COL19A1: variants seen among roughly 807,000 people sequenced by gnomAD.
The protein encoded by COL19A1 is collagen type XIX alpha 1 chain.
COL19A1 carries 159 observed loss-of-function variants against 190.2 expected under a neutral mutation model. That is an observed-to-expected ratio of 0.84 (90% CI 0.73 to 0.95). The LOEUF (loss-of-function observed/expected upper bound fraction) is 0.95, where lower values mean the gene tolerates loss of function less well. COL19A1 is among the 40% of genes least tolerant of loss of function. The pLI is 0.00. For synonymous variants in COL19A1, 509 were observed against 458.9 expected (o/e 1.11, Z -1.39); for missense variants, 1,418 against 1,431.9 (o/e 0.99, Z 0.16).
intron 14 of COL19A1, among the ~76,000 whole-genome samples, chr6:70,044,762 A>AT (rs990063196): frequency 1.3e-5 from 2 of 151,916 alleles, no homozygotes; most frequent in African/African-American, 4.8e-5. Flanking sequence ...AACTCTGTTC[A>AT]TTTTTTTCCC....
At chr6:69,944,609 A>G (rs1393474769) in intron 9 of COL19A1, among the ~76,000 whole-genome samples, 11 of 152,140 alleles carry the variant, frequency 7.2e-5, no homozygotes, top group Admixed American at 7.2e-4. Flanking sequence ...AGTATTGTCT[A>G]GGTAATGAAG....
rs200280743 is a variant in COL19A1, at chr6:70,151,423, C to A, written c.2064C>A (p.Ile688=). 10 of 1,612,622 alleles carry A rather than the reference C, an allele frequency of 6.2e-6. No individual in the cohort carries two copies. The highest frequency in any genetic ancestry group is 3.3e-5 in the South Asian group (3 of 91,022). ...TTGCACTTCCTCTCTTGGGAGACATCGGTGCTTTGCTCAAGGTACTCTATT... is the reference window on the plus strand; with the variant it reads ...TTGCACTTCCTCTCTTGGGAGACATAGGTGCTTTGCTCAAGGTACTCTATT... The part of the protein sequence containing the change: ...DPIALPLLGD[I]GALLKNFCGN... Residue 688 remains isoleucine, a synonymous_variant, in exon 31 of 51, where the codon ATC becomes ATA. Transcript: ENST00000620364.
chr6:70,071,493 T>C (rs1174014137), intron 15 of COL19A1, among the ~76,000 whole-genome samples: 1 of 152,206 alleles, frequency 6.6e-6, no homozygotes, highest in African/African-American at 2.4e-5. Context: ...TGACAATATG[T>C]ATCTGAAATT....
chr6:70,149,391 G>A (rs1285449210), intron 27 of COL19A1, among the ~76,000 whole-genome samples: 1 of 152,144 alleles, frequency 6.6e-6, no homozygotes, highest in East Asian at 1.9e-4. Flanking sequence ...CCTGTGGGTG[G>A]TCAGTTTCTG....
Position 70,190,296 on chromosome 6 carries a change from T to A in COL19A1, c.3028-19T>A. 1 of 1,533,194 alleles carries A rather than the reference T, an allele frequency of 6.5e-7. No homozygotes were observed. 95.0% of individuals were successfully genotyped at this position (1,533,194 alleles called of 1,614,324 possible). On this transcript the variant is annotated intron_variant, in intron 47 of 50. Coordinates refer to ENST00000620364, the MANE Select transcript of COL19A1 (RefSeq NM_001858.6). ...TGTGCTATGCTCTATTTTAACAACC[T>A]TTTTTTTTCCTTCTTCAGGCTGATG... is the stretch of plus-strand genomic sequence containing the variant.
At chr6:69,921,087 C>A (rs542683949) in intron 4 of COL19A1, among the ~76,000 whole-genome samples, 20 of 113,476 alleles carry the variant, frequency 1.8e-4, no homozygotes, top group African/African-American at 6.7e-4. Context: ...CATATATATT[C>A]ATAGACATAT....
intron 16 of COL19A1, among the ~76,000 whole-genome samples, chr6:70,109,537 TGTAA>T (rs1219265267): frequency 1.8e-5 from 2 of 110,022 alleles, no homozygotes; most frequent in Non-Finnish European, 3.6e-5. Context: ...ATCTCCGTTT[TGTAA>T]GTGTGTGTGT....
intron 27 of COL19A1, among the ~76,000 whole-genome samples, chr6:70,149,065 TAAG>T (rs1361412964): frequency 6.6e-6 from 1 of 151,992 alleles, no homozygotes; most frequent in Non-Finnish European, 1.5e-5. Flanking sequence ...TTTATTTAAA[TAAG>T]AAAAGAAAAA....
rs1005832873 is a variant in COL19A1 at position 69,873,745 on chromosome 6, G to A, written c.-32-5791G>A. 3.9e-5 allele frequency among the ~76,000 whole-genome samples: 6 copies of A among 152,128 alleles called. No individual in the cohort carries two copies. The East Asian group carries it at 9.6e-4, about 24-fold the overall frequency. On this transcript the variant is annotated intron_variant, in intron 1 of 50. Coordinates refer to ENST00000620364, the MANE Select transcript of COL19A1 (RefSeq NM_001858.6). Reference sequence around the variant, plus strand: ...CCCCACCTCTTAATACTGTGACATTGGGGATTAAGTTTCTAACACAGGAAA... The same window carrying A: ...CCCCACCTCTTAATACTGTGACATTAGGGATTAAGTTTCTAACACAGGAAA...
At chr6:70,001,413 A>G (rs948543821) in intron 11 of COL19A1, among the ~76,000 whole-genome samples, 1 of 152,086 alleles carries the variant, frequency 6.6e-6, no homozygotes, top group Non-Finnish European at 1.5e-5. Flanking sequence ...AAGAATGTCA[A>G]TGGTAGTTTG....
chr6:70,096,739 A>T (rs1038143854), intron 15 of COL19A1, among the ~76,000 whole-genome samples: 1 of 152,192 alleles, frequency 6.6e-6, no homozygotes, highest in Admixed American at 6.5e-5. Flanking sequence ...GACTTTAAAT[A>T]TGAAATAACA....
chr6:70,081,945 TAA>T (rs993821879), intron 15 of COL19A1, among the ~76,000 whole-genome samples: 3 of 152,136 alleles, frequency 2.0e-5, no homozygotes, highest in East Asian at 1.9e-4. Flanking sequence ...TAGGAAAAAA[TAA>T]AAGAGTGAAC....
chr6:70,156,106 C>A, intron 31 of COL19A1, 21 bp from the exon 32 acceptor site: 2 of 1,607,790 alleles, frequency 1.2e-6, no homozygotes, highest in Non-Finnish European at 1.7e-6. Flanking sequence ...CCCTCAGTAA[C>A]CTTATCTTTA....
At chr6:70,204,588 C>T (rs1051300993) in intron 49 of COL19A1, among the ~76,000 whole-genome samples, 2 of 152,074 alleles carry the variant, frequency 1.3e-5, no homozygotes, top group Non-Finnish European at 2.9e-5. Context: ...CCACATGAAC[C>T]GAAATGCATG....
Position 69,898,929 on chromosome 6 carries a change from T to C in COL19A1, c.92-19T>C, listed in dbSNP as rs1561975663. On this transcript the variant is annotated intron_variant, in intron 2 of 50. Transcript: ENST00000620364. ...CATACATAATGCAAATCCTCTATGC[T>C]TTTTTTCTTTTTAAATAGAAGAGTC... 6.6e-7 allele frequency: 1 copy of C among 1,515,570 alleles called. No homozygotes were observed. Among genetic ancestry groups the C allele is most frequent in the Non-Finnish European group, 9.1e-7 (1 of 1,096,582 alleles). The allele number at this position is 1,515,570 out of a possible 1,614,324, so 93.9% of individuals were successfully genotyped here.
At chr6:70,020,791 T>C (rs1266003148) in intron 11 of COL19A1, among the ~76,000 whole-genome samples, 1 of 152,116 alleles carries the variant, frequency 6.6e-6, no homozygotes, top group Non-Finnish European at 1.5e-5. Context: ...CAAAGAATTG[T>C]CAATTGTACT....
chr6:70,076,790 A>C (rs1781909958), intron 15 of COL19A1, among the ~76,000 whole-genome samples: 1 of 152,188 alleles, frequency 6.6e-6, no homozygotes, highest in Admixed American at 6.5e-5. Context: ...AGCCACAGAA[A>C]CACTTAAAGA....
chr6:69,917,940 A>G (rs1042158171), intron 4 of COL19A1, among the ~76,000 whole-genome samples: 4 of 152,190 alleles, frequency 2.6e-5, no homozygotes, highest in African/African-American at 9.7e-5. Context: ...GAGTTGAGTA[A>G]TCTTGATGTA....
At chr6:69,968,724 G>T (rs1775257977) in intron 11 of COL19A1, among the ~76,000 whole-genome samples, 1 of 152,128 alleles carries the variant, frequency 6.6e-6, no homozygotes, top group Non-Finnish European at 1.5e-5. Flanking sequence ...CAGGACATGA[G>T]AATTTGAATG....
Sources: gnomAD v4.1 joint callset for allele counts (sites outside exome capture counted in the v4.1 genomes callset) on GRCh38, gnomAD v4.1.1 for gene constraint, MANE v1.5 for transcripts, NCBI Gene and HGNC (gene_info 2026-07-23, HGNC 2026-07-21) for gene names.